Variants in TCF7L2 observed in about 807,000 individuals in gnomAD.
TCF7L2 encodes the protein transcription factor 7-like 2.
In TCF7L2, 23 loss-of-function variants were observed where a neutral mutation model predicts 77.9. The observed-to-expected ratio is 0.30, with a 90% CI of 0.21 to 0.42. The LOEUF (loss-of-function observed/expected upper bound fraction) is 0.42. Among genes scored for constraint, TCF7L2 ranks in the 10% least tolerant of loss-of-function variants. TCF7L2 has a pLI of 1.00. For synonymous variants in TCF7L2, 413 were observed against 340.2 expected, an observed-to-expected ratio of 1.21 and a Z score of -2.36; for missense variants, 654 against 793.1, an observed-to-expected ratio of 0.82 and a Z score of 2.11.
At chr10:113,009,697 A>G (rs1039102261) in intron 4 of TCF7L2, among the ~76,000 whole-genome samples, 1 of 152,192 alleles carries the variant, frequency 6.6e-6, no homozygotes, top group Non-Finnish European at 1.5e-5. Context: ...TTTTGCCCGT[A>G]CTTAAAGCTG....
intron 3 of TCF7L2, among the ~76,000 whole-genome samples, chr10:112,959,437 G>A (rs1489012982): frequency 6.6e-6 from 1 of 152,142 alleles, no homozygotes; most frequent in African/African-American, 2.4e-5. Context: ...ATTAATGAGG[G>A]TAAATAGACA....
intron 5 of TCF7L2, among the ~76,000 whole-genome samples, chr10:113,113,402 A>G (rs2063363596): frequency 6.6e-6 from 1 of 152,188 alleles, no homozygotes; most frequent in Non-Finnish European, 1.5e-5. Context: ...TTGATTAACA[A>G]ACTGGTCAGT....
At chr10:112,951,838 C>G (rs2134220154) in intron 3 of TCF7L2, 1 of 158,898 alleles carries the variant, frequency 6.3e-6, no homozygotes, top group East Asian at 1.8e-4. Context: ...TTTCAGTTTG[C>G]TGCCTCGTGA....
intron 13 of TCF7L2, among the ~76,000 whole-genome samples, chr10:113,165,313 G>T (rs1052149092): frequency 3.9e-5 from 6 of 152,156 alleles, no homozygotes; most frequent in Non-Finnish European, 7.3e-5. Context: ...GGGGTTGGGG[G>T]AAGCAAGTAG....
intron 4 of TCF7L2, among the ~76,000 whole-genome samples, chr10:112,966,776 GCT>G (rs887697092): frequency 2.0e-5 from 3 of 152,196 alleles, no homozygotes; most frequent in Non-Finnish European, 2.9e-5. Context: ...GCCATGTGAA[GCT>G]CTTTCTCAGG....
chr10:113,001,470 C>T (rs1252773498), intron 4 of TCF7L2, among the ~76,000 whole-genome samples: 2 of 152,066 alleles, frequency 1.3e-5, no homozygotes, highest in Non-Finnish European at 2.9e-5. Flanking sequence ...GGTTACGGAG[C>T]CCACATCTCT....
At chr10:112,965,260 C>T (rs912071306) in intron 4 of TCF7L2, among the ~76,000 whole-genome samples, 5 of 152,174 alleles carry the variant, frequency 3.3e-5, no homozygotes, top group African/African-American at 4.8e-5. Context: ...TTCCTGCTCA[C>T]GTAGTACTTC....
intron 13 of TCF7L2, among the ~76,000 whole-genome samples, chr10:113,163,834 C>T (rs1005936446): frequency 6.6e-6 from 1 of 152,118 alleles, no homozygotes; most frequent in African/African-American, 2.4e-5. Context: ...CCCCTCCCCT[C>T]CTTCCCTGCC....
intron 5 of TCF7L2, among the ~76,000 whole-genome samples, chr10:113,133,567 C>T (rs1053908298): frequency 4.6e-5 from 7 of 152,126 alleles, no homozygotes; most frequent in Admixed American, 1.3e-4. Flanking sequence ...TTGAAGTGAT[C>T]GAGTTAGTTC....
chr10:113,159,075 AT>A (rs1043539388), intron 12 of TCF7L2, among the ~76,000 whole-genome samples: 13 of 150,850 alleles, frequency 8.6e-5, no homozygotes, highest in African/African-American at 2.9e-4. Context: ...ATCTAATGGC[AT>A]TTTTTTCATT....
chr10:113,159,814 A>ATTTTTTTTTTTTTTTTT, intron 12 of TCF7L2, 106 bp from the exon 14 acceptor site: 1 of 380,674 alleles, frequency 2.6e-6, no homozygotes, highest in Non-Finnish European at 4.5e-6. Flanking sequence ...TTTTTTTCTT[A>ATTTTTTTTTTTTTTTTT]TTTGTATCTT....
intron 5 of TCF7L2, among the ~76,000 whole-genome samples, chr10:113,111,586 G>A (rs2063133894): frequency 6.6e-6 from 1 of 152,164 alleles, no homozygotes; most frequent in Non-Finnish European, 1.5e-5. Flanking sequence ...GAGCCCAGGA[G>A]TTTGAGACCA....
At chr10:113,101,393 G>C (rs2061617894) in intron 5 of TCF7L2, among the ~76,000 whole-genome samples, 1 of 151,648 alleles carries the variant, frequency 6.6e-6, no homozygotes, top group African/African-American at 2.4e-5. Context: ...AAATTAAAAA[G>C]TTATCCAGGC....
chr10:113,013,456 G>A (rs1317419910), intron 4 of TCF7L2, among the ~76,000 whole-genome samples: 1 of 152,140 alleles, frequency 6.6e-6, no homozygotes, highest in Non-Finnish European at 1.5e-5. Context: ...GTAAATTTTA[G>A]GGAAACAGAA....
rs2074065099 is a variant in TCF7L2, at chr10:113,166,881, G to A, written c.*909G>A. The A allele has an allele frequency of 4.4e-6, 1 of 228,730 alleles. No individual in the cohort carries two copies. The highest frequency in any genetic ancestry group is 8.7e-6 in the Non-Finnish European group (1 of 115,562). The allele number at this position is 228,730 out of a possible 1,614,324, so 14.2% of individuals were successfully genotyped here. Reference sequence around the variant, plus strand: ...AAATGGACATTAATAGTTGCATTAAGGATCAGTAGCATTAACAAAAGTTGC... The same window carrying A: ...AAATGGACATTAATAGTTGCATTAAAGATCAGTAGCATTAACAAAAGTTGC... On this transcript the variant is annotated 3_prime_UTR_variant, in exon 14 of 14. Transcript: ENST00000627217.
chr10:113,071,201 AG>A (rs1209064243), intron 5 of TCF7L2, among the ~76,000 whole-genome samples: 2 of 152,204 alleles, frequency 1.3e-5, no homozygotes, highest in Admixed American at 6.5e-5. Flanking sequence ...GACAGAATGT[AG>A]AAACCCCCAG....
At chr10:113,126,900 G>A (rs1190454609) in intron 5 of TCF7L2, 14 of 985,196 alleles carry the variant, frequency 1.4e-5, no homozygotes, top group Non-Finnish European at 1.4e-5. Context: ...GGCCGGCGGC[G>A]GGCGGGCGGG....
chr10:113,063,875 G>A (rs921409975), intron 5 of TCF7L2, among the ~76,000 whole-genome samples: 1 of 147,934 alleles, frequency 6.8e-6, no homozygotes, highest in African/African-American at 2.5e-5. Flanking sequence ...GTGTATGTGT[G>A]TGTGCACATG....
At chr10:112,951,147 T>G in intron 1 of TCF7L2, 60 bp from the exon 2 acceptor site, 1 of 1,344,052 alleles carries the variant, frequency 7.4e-7, no homozygotes, top group Non-Finnish European at 1.0e-6. Context: ...TTTCTCCCCC[T>G]TCTCCCCCTT....
Sources: allele counts gnomAD v4.1 joint callset (sites outside exome capture counted in the v4.1 genomes callset), GRCh38; gene constraint gnomAD v4.1.1; transcripts MANE v1.5; gene names NCBI Gene and HGNC (gene_info 2026-07-23, HGNC 2026-07-21).